The following PAFAH1B1 variants were observed in gnomAD, a reference collection of about 807,000 sequenced individuals.
PAFAH1B1 encodes platelet-activating factor acetylhydrolase IB subunit beta.
Under a neutral mutation model 57.5 loss-of-function variants are expected in PAFAH1B1, and 2 were observed. That is an observed-to-expected ratio of 0.03 (90% CI 0.01 to 0.11). PAFAH1B1 has a LOEUF of 0.11. PAFAH1B1 is among the 10% of genes least tolerant of loss of function. The pLI, the probability that PAFAH1B1 is intolerant of heterozygous loss-of-function variation, is 1.00. For missense variants in PAFAH1B1, 257 were observed against 512.0 expected (o/e 0.50, Z 4.81); for synonymous variants, 152 against 169.6 (o/e 0.90, Z 0.81).
rs192403512 is a variant in PAFAH1B1, at chr17:2,679,015, T to G, written c.1003-1149T>G. 3.2e-3 allele frequency among the ~76,000 whole-genome samples: 481 copies of G among 152,344 alleles called. 2 individuals carry two copies. The highest frequency in any genetic ancestry group is 0.011 in the African/African-American group (459 of 41,588). On this transcript the variant is annotated intron_variant, in intron 9 of 10. Transcript: ENST00000397195. ...CTGAAGAACTGAATTGTTGGTTGTA[T>G]GTAATCTTAATATTATATATTAAAG...
intron 2 of PAFAH1B1, among the ~76,000 whole-genome samples, chr17:2,664,665 G>GCGCGCGCTCTCTCTCTCTCTCTCTCTCT: frequency 4.3e-4 from 37 of 86,022 alleles, no homozygotes; most frequent in Non-Finnish European, 9.2e-4. Context: ...TCTATCTATC[G>GCGCGCGCTCTCTCTCTCTCTCTCTCTCT]CTCTCTCTCT....
chr17:2,668,515 C>T (rs912013759), intron 5 of PAFAH1B1, among the ~76,000 whole-genome samples: 3 of 151,628 alleles, frequency 2.0e-5, no homozygotes, highest in Admixed American at 1.3e-4. Context: ...AGCAAGACCT[C>T]GTCTCTACTT....
At chr17:2,657,396 C>T (rs534497211) in intron 2 of PAFAH1B1, among the ~76,000 whole-genome samples, 2 of 152,134 alleles carry the variant, frequency 1.3e-5, no homozygotes, top group Non-Finnish European at 2.9e-5. Flanking sequence ...AGGTGTCCAC[C>T]GCCGTGCCCG....
intron 5 of PAFAH1B1, among the ~76,000 whole-genome samples, chr17:2,669,759 C>G (rs1805945780): frequency 6.6e-6 from 1 of 152,002 alleles, no homozygotes; most frequent in African/African-American, 2.4e-5. Context: ...CTTCCCTTCC[C>G]CTTCCCTTTC....
chr17:2,612,593 A>G lies in PAFAH1B1; in HGVS notation c.-191+18587A>G, dbSNP rs534629727. 6.8e-4 allele frequency among the ~76,000 whole-genome samples: 104 copies of G among 152,186 alleles called. 1 individual carries two copies. Among genetic ancestry groups the G allele is most frequent in the Non-Finnish European group, 9.0e-4 (61 of 68,012 alleles). On this transcript the variant is annotated intron_variant, in intron 1 of 10. Coordinates refer to ENST00000397195, the MANE Select transcript of PAFAH1B1 (RefSeq NM_000430.4). ...TTTCTAGATGTAAGAGGGTTCGCCA[A>G]CTATAGCTAGCAAGTCAAATCCTGC...
chr17:2,636,076 G>A (rs1292475570), intron 1 of PAFAH1B1, among the ~76,000 whole-genome samples: 7 of 151,830 alleles, frequency 4.6e-5, no homozygotes, highest in Admixed American at 6.6e-5. Flanking sequence ...GCCACTGTAC[G>A]CCAGCCTGGA....
In PAFAH1B1 at chr17:2,652,423, C is replaced by A. The variant is rs202183657; in HGVS notation, c.33-12949C>A. On this transcript the variant is annotated intron_variant, in intron 2 of 10. Coordinates refer to ENST00000397195, the MANE Select transcript of PAFAH1B1 (RefSeq NM_000430.4). ...GAGCGAGACTCCGTCTCAAACAAAACAAAACAAAAACCAAAAACATTTCTC... is the reference window on the plus strand; with the variant it reads ...GAGCGAGACTCCGTCTCAAACAAAAAAAAACAAAAACCAAAAACATTTCTC... 2.1e-4 allele frequency among the ~76,000 whole-genome samples: 32 copies of A among 152,296 alleles called. No homozygotes were observed. In the East Asian group the frequency reaches 5.2e-3, roughly 25 times the overall value.
rs906902381 is a variant in PAFAH1B1 at position 2,684,292 on chromosome 17, G to T, written c.*2490G>T. On this transcript the variant is annotated 3_prime_UTR_variant, in exon 11 of 11. Transcript: ENST00000397195. ...ATTTCCTGCACTGCTGTCTGACACT[G>T]TCCTGTTGATGCCCTTTCTGACTGT... The T allele has an allele frequency of 1.3e-5, 2 of 152,784 alleles. No homozygotes were observed. Among genetic ancestry groups the T allele is most frequent in the Non-Finnish European group, 2.9e-5 (2 of 68,162 alleles). 9.5% of individuals were successfully genotyped at this position (152,784 alleles called of 1,614,324 possible).
intron 3 of PAFAH1B1, 70 bp downstream of exon 3, chr17:2,665,526 C>A: frequency 1.1e-6 from 1 of 876,148 alleles, no homozygotes; most frequent in Non-Finnish European, 1.9e-6. Context: ...CTGTAGTTAA[C>A]AGTTACGCAC....
chr17:2,677,381 TTC>T, intron 9 of PAFAH1B1, among the ~76,000 whole-genome samples: 1 of 152,352 alleles, frequency 6.6e-6, no homozygotes, highest in South Asian at 2.1e-4. Context: ...ATTGTGGACA[TTC>T]CTATGTGCCT....
chr17:2,593,893 CCCCTCCTTCCCTCCCTCCCTCCTTCCT>C lies in PAFAH1B1; in HGVS notation c.-297_-271del, dbSNP rs2068052340. 2 of 348,326 alleles carry C rather than the reference CCCCTCCTTCCCTCCCTCCCTCCTTCCT, an allele frequency of 5.7e-6. No homozygotes were observed. Among genetic ancestry groups the C allele is most frequent in the East Asian group, 4.2e-5 (1 of 24,050 alleles). 21.6% of individuals were successfully genotyped at this position (348,326 alleles called of 1,614,324 possible). A position where few individuals can be genotyped will look rare whatever the true frequency, so the allele number is the denominator to read the frequency against. On this transcript the variant is annotated 5_prime_UTR_variant, in exon 1 of 11. Transcript: ENST00000397195. Reference sequence around the variant, plus strand: ...GCCCGGGCCCAGCGCGCCATCCTCCCCCCTCCTTCCCTCCCTCCCTCCTTCCTCCCTCCCCTCTCCCTCCCCCTCCCC... The same window carrying C: ...GCCCGGGCCCAGCGCGCCATCCTCCCCCCTCCCCTCTCCCTCCCCCTCCCC...
intron 2 of PAFAH1B1, chr17:2,640,568 C>T (rs1168517026): frequency 1.3e-5 from 2 of 150,928 alleles, no homozygotes; most frequent in African/African-American, 4.9e-5. Context: ...TCTCCTGCCT[C>T]AGCCTCTCGA....
Position 2,593,917 on chromosome 17 carries a change from TCCTCCCTCCCCTCTCCCTCCC to T in PAFAH1B1, c.-273_-253del, listed in dbSNP as rs2068053069. On this transcript the variant is annotated 5_prime_UTR_variant, in exon 1 of 11. Transcript: ENST00000397195. ...CCCCCTCCTTCCCTCCCTCCCTCCT[TCCTCCCTCCCCTCTCCCTCCC>T]CCTCCCCCGCCGGTGGATGGGAGTG... 1 of 152,192 alleles carries T rather than the reference TCCTCCCTCCCCTCTCCCTCCC, an allele frequency of 6.6e-6. No individual in the cohort carries two copies. Among genetic ancestry groups the T allele is most frequent in the Non-Finnish European group, 1.3e-5 (1 of 75,992 alleles). The allele number at this position is 152,192 out of a possible 1,614,324, so 9.4% of individuals were successfully genotyped here. A position where few individuals can be genotyped will look rare whatever the true frequency, so the allele number is the denominator to read the frequency against.
chr17:2,672,723 G>A lies in PAFAH1B1; in HGVS notation c.637G>A (p.Asp213Asn). The A allele has an allele frequency of 6.2e-7, 1 of 1,612,880 alleles. No homozygotes were observed. Residue 213 changes from aspartate (D) to asparagine (N), a missense_variant, in exon 7 of 11, where the codon GAT (aspartate) becomes AAT (asparagine). Coordinates refer to ENST00000397195, the MANE Select transcript of PAFAH1B1 (RefSeq NM_000430.4). ...AGATCATATAGTGTCTGCCTCAAGG[G>A]ATAAAACTATAAAAATGTGGGAAGT... is the stretch of plus-strand genomic sequence containing the variant. ...NGDHIVSASR[D>N]KTIKMWEVQT...
chr17:2,679,937 C>T (rs571608719), intron 9 of PAFAH1B1: 21 of 544,626 alleles, frequency 3.9e-5, no homozygotes, highest in East Asian at 1.9e-4. Context: ...TAATGCCCTG[C>T]GGGACTTCTT....
At chr17:2,594,941 A>G (rs1023458075) in intron 1 of PAFAH1B1, among the ~76,000 whole-genome samples, 1 of 152,096 alleles carries the variant, frequency 6.6e-6, no homozygotes, top group African/African-American at 2.4e-5. Flanking sequence ...GGTTTTCCGT[A>G]TTTAGTAGGA....
chr17:2,666,923 GT>G (rs1268868251), intron 4 of PAFAH1B1, 68 bp from the exon 5 acceptor site: 1 of 1,267,790 alleles, frequency 7.9e-7, no homozygotes, highest in Non-Finnish European at 1.1e-6. Flanking sequence ...AATAAAGGCA[GT>G]TTTTTAAAAT....
chr17:2,652,298 C>T (rs7219015), intron 2 of PAFAH1B1, among the ~76,000 whole-genome samples: 26,131 of 151,894 alleles, frequency 0.17, 2,678 homozygotes, highest in South Asian at 0.26. Flanking sequence ...GCCTGTAGTC[C>T]CAGCTACTCG....
intron 1 of PAFAH1B1, among the ~76,000 whole-genome samples, chr17:2,627,917 T>C (rs1278725754): frequency 1.3e-5 from 2 of 152,228 alleles, no homozygotes; most frequent in Non-Finnish European, 2.9e-5. Flanking sequence ...CTGATTTGTG[T>C]ACATTAATCT....
Sources: gnomAD v4.1 joint callset for allele counts (sites outside exome capture counted in the v4.1 genomes callset) on GRCh38, gnomAD v4.1.1 for gene constraint, MANE v1.5 for transcripts, NCBI Gene and HGNC (gene_info 2026-07-23, HGNC 2026-07-21) for gene names.